CMIP: variants seen among roughly 807,000 people sequenced by gnomAD.
CMIP encodes the protein c-Maf inducing protein, also known as C-Maf-inducing protein.
A neutral mutation model predicts 97.3 loss-of-function variants in CMIP; 13 were observed. That is an observed-to-expected ratio of 0.13 (90% CI 0.09 to 0.21). CMIP has a LOEUF of 0.21. Ranked by LOEUF, CMIP falls within the 10% of genes least tolerant of loss-of-function variation. The pLI, the probability that CMIP is intolerant of heterozygous loss-of-function variation, is 1.00. For missense variants in CMIP, 847 were observed against 1,024.9 expected (o/e 0.83, Z 2.37); for synonymous variants, 538 against 436.3 (o/e 1.23, Z -2.91).
intron 1 of CMIP, among the ~76,000 whole-genome samples, chr16:81,471,643 C>T (rs1567532336): frequency 6.6e-6 from 1 of 152,200 alleles, no homozygotes; most frequent in African/African-American, 2.4e-5. Context: ...TCAAGATTCC[C>T]AGTAGATGCC....
rs536432864 is a variant in CMIP at position 81,499,803 on chromosome 16, C to CGGTCCT, written c.300+54264_300+54269dup. On this transcript the variant is annotated intron_variant, in intron 1 of 20. Coordinates refer to ENST00000537098, the MANE Select transcript of CMIP (RefSeq NM_198390.3). ...GAAACAGTTTTGGGGGCGGCAGCTC[C>CGGTCCT]GGTCCTGCCCAGCAACTCGCAGTTG... 4.0e-4 allele frequency among the ~76,000 whole-genome samples: 61 copies of CGGTCCT among 152,366 alleles called. 1 individual carries two copies. The East Asian group carries it at 0.011, about 28-fold the overall frequency.
In CMIP at chr16:81,660,895, T is replaced by G. The variant is rs552521007; in HGVS notation, c.693T>G (p.Pro231=). The change falls in exon 6 of 21, where the codon CCT becomes CCG. Residue 231 remains proline (P), a synonymous_variant. Coordinates refer to ENST00000537098, the MANE Select transcript of CMIP (RefSeq NM_198390.3). ...TTGTTGTGTTTCAGGCAATCGCTCC[T>G]TTGCTGGAAAACAACCACCCACCAC... ...EHENIIVAIA[P]LLENNHPPPD... 63 of 1,614,032 alleles carry G rather than the reference T, an allele frequency of 3.9e-5. No homozygotes were observed. The East Asian group carries it at 8.9e-4, about 23-fold the overall frequency.
chr16:81,452,016 G>A lies in CMIP; in HGVS notation c.300+6475G>A, dbSNP rs140199497. ...CGAAGGGTGATGAGACGTGCGTGTGGGGGAGGTGTTTGCTGTGTGTATTGA... is the reference window on the plus strand; with the variant it reads ...CGAAGGGTGATGAGACGTGCGTGTGAGGGAGGTGTTTGCTGTGTGTATTGA... On this transcript the variant is annotated intron_variant, in intron 1 of 20. Transcript: ENST00000537098. 2.8e-4 allele frequency among the ~76,000 whole-genome samples: 42 copies of A among 152,332 alleles called. 1 individual carries two copies. The East Asian group carries it at 7.5e-3, about 27-fold the overall frequency.
At chr16:81,464,519 T>A (rs1907086233) in intron 1 of CMIP, 1 of 152,220 alleles carries the variant, frequency 6.6e-6, no homozygotes, top group African/African-American at 2.4e-5. Flanking sequence ...CATTCATTCA[T>A]TCATTCATTC....
chr16:81,477,923 T>C (rs1005830595), intron 1 of CMIP, among the ~76,000 whole-genome samples: 4 of 152,238 alleles, frequency 2.6e-5, no homozygotes, highest in Admixed American at 2.0e-4. Context: ...TTCTGCCCTG[T>C]TAAGGTGACT....
At chr16:81,691,681 C>G (rs952129800) in intron 10 of CMIP, 94 bp from the exon 11 acceptor site, 4 of 951,328 alleles carry the variant, frequency 4.2e-6, no homozygotes, top group South Asian at 4.1e-5. Flanking sequence ...CTGCCAGGCT[C>G]TCACCCCATC....
chr16:81,610,364 C>T (rs764086939), intron 2 of CMIP: 23 of 985,462 alleles, frequency 2.3e-5, no homozygotes, highest in African/African-American at 3.5e-5. Context: ...ATCCCACTTG[C>T]TCACTGCCCC....
chr16:81,552,538 C>G (rs1340245259), intron 1 of CMIP, among the ~76,000 whole-genome samples: 1 of 152,124 alleles, frequency 6.6e-6, no homozygotes, highest in Non-Finnish European at 1.5e-5. Context: ...GCTTCTTGGC[C>G]CCTTCCTCCA....
In CMIP at chr16:81,445,466, C is replaced by T; in HGVS notation, c.225C>T (p.Ile75=). The change falls in exon 1 of 21, where the codon ATC becomes ATT. Residue 75 remains isoleucine, a synonymous_variant. Transcript: ENST00000537098. Reference sequence around the variant, plus strand: ...ACCCGCGGACCTTTCTCAGCAAGATCCTCACCTCGAAATTCCTGAGGCGCT... The same window carrying T: ...ACCCGCGGACCTTTCTCAGCAAGATTCTCACCTCGAAATTCCTGAGGCGCT... ...IRHPRTFLSK[I]LTSKFLRRWE... 1 of 1,568,746 alleles carries T rather than the reference C, an allele frequency of 6.4e-7. No homozygotes were observed. Among genetic ancestry groups the T allele is most frequent in the East Asian group, 2.4e-5 (1 of 42,058 alleles).
intron 1 of CMIP, among the ~76,000 whole-genome samples, chr16:81,528,207 C>T (rs903900334): frequency 6.6e-6 from 1 of 152,098 alleles, no homozygotes; most frequent in Non-Finnish European, 1.5e-5. Flanking sequence ...ACATTCATGA[C>T]AACTTCATAG....
intron 3 of CMIP, among the ~76,000 whole-genome samples, chr16:81,644,840 A>T (rs896294842): frequency 6.6e-6 from 1 of 151,808 alleles, no homozygotes; most frequent in Non-Finnish European, 1.5e-5. Flanking sequence ...GGGCTTGGAG[A>T]GGGGGGTCTC....
chr16:81,663,417 A>G lies in CMIP; in HGVS notation c.745-852A>G, dbSNP rs565133836. Among the ~76,000 whole-genome samples, 198 of 152,362 alleles carry G rather than the reference A, an allele frequency of 1.3e-3. 1 individual carries two copies. The highest frequency in any genetic ancestry group is 4.5e-3 in the African/African-American group (187 of 41,576). On this transcript the variant is annotated intron_variant, in intron 6 of 20. Coordinates refer to ENST00000537098, the MANE Select transcript of CMIP (RefSeq NM_198390.3). ...CACTGCACGATTCCAACTACAGGAC[A>G]TTCTGAAAAAAGCAAAACTATGGAG...
intron 1 of CMIP, among the ~76,000 whole-genome samples, chr16:81,543,873 T>G (rs1040720339): frequency 1.3e-5 from 2 of 152,236 alleles, no homozygotes; most frequent in Non-Finnish European, 2.9e-5. Flanking sequence ...CCATTTCACC[T>G]TCTACTTTCT....
At position 81,453,336 on chromosome 16, in the gene CMIP, T is replaced by C. The variant is rs1906351770; in HGVS notation, c.300+7795T>C. 6.6e-6 allele frequency among the ~76,000 whole-genome samples: 1 copy of C among 152,204 alleles called. No individual in the cohort carries two copies. Among genetic ancestry groups the C allele is most frequent in the Non-Finnish European group, 1.5e-5 (1 of 68,010 alleles). ...CCCTGGTGGATATAGGATTTGAGTG[T>C]ATGGAATCAAACAGCCATCTGGGTG... On this transcript the variant is annotated intron_variant, in intron 1 of 20. Coordinates refer to ENST00000537098, the MANE Select transcript of CMIP (RefSeq NM_198390.3). The surrounding 1 kb of genome is among the most constrained non-coding windows in gnomAD (Gnocchi z 4.0).
chr16:81,475,232 C>A (rs1040269502), intron 1 of CMIP, among the ~76,000 whole-genome samples: 3 of 152,200 alleles, frequency 2.0e-5, no homozygotes, highest in Non-Finnish European at 2.9e-5. Context: ...ATAAAGTTGA[C>A]ATGCAATAAA....
chr16:81,606,731 A>G (rs886744341), intron 1 of CMIP, among the ~76,000 whole-genome samples: 5 of 152,170 alleles, frequency 3.3e-5, no homozygotes, highest in Non-Finnish European at 7.3e-5. Context: ...ACAGATAATG[A>G]CACAGAATAA....
chr16:81,596,751 T>C (rs1396984254), intron 1 of CMIP, among the ~76,000 whole-genome samples: 1 of 152,114 alleles, frequency 6.6e-6, no homozygotes. Flanking sequence ...ATTTTCCCAA[T>C]AGAGTAGTGA....
intron 10 of CMIP, among the ~76,000 whole-genome samples, chr16:81,686,344 G>A (rs1905383658): frequency 6.6e-6 from 1 of 152,210 alleles, no homozygotes; most frequent in South Asian, 2.1e-4. Context: ...GTCCTGACAT[G>A]CACACGACAG....
intron 3 of CMIP, among the ~76,000 whole-genome samples, chr16:81,628,549 C>G (rs2092105953): frequency 6.6e-6 from 1 of 152,212 alleles, no homozygotes; most frequent in Non-Finnish European, 1.5e-5. Flanking sequence ...GGTTAAATCA[C>G]TCACTCAAGG....
Sources: gnomAD v4.1 joint callset for allele counts (sites outside exome capture counted in the v4.1 genomes callset) on GRCh38, gnomAD v4.1.1 for gene constraint, Gnocchi (gnomAD v3.1) non-coding constraint, MANE v1.5 for transcripts, NCBI Gene and HGNC (gene_info 2026-07-23, HGNC 2026-07-21) for gene names.